Variants in SUGCT observed in about 807,000 individuals in gnomAD.
SUGCT encodes succinyl-CoA:glutarate-CoA transferase.
Under a neutral mutation model 55.0 loss-of-function variants are expected in SUGCT, and 41 were observed. The ratio of observed to expected loss-of-function variants is 0.74; its 90% confidence interval spans 0.58 to 0.97. The LOEUF (loss-of-function observed/expected upper bound fraction) is 0.97. Among genes scored for constraint, SUGCT ranks in the 50% least tolerant of loss-of-function variants. SUGCT has a pLI of 0.00. For synonymous variants in SUGCT, 187 were observed against 200.4 expected (o/e 0.93, Z 0.56); for missense variants, 568 against 547.8 (o/e 1.04, Z -0.37).
intron 13 of SUGCT, among the ~76,000 whole-genome samples, chr7:40,807,976 A>G (rs1462023003): frequency 6.6e-6 from 1 of 152,120 alleles, no homozygotes; most frequent in Non-Finnish European, 1.5e-5. Flanking sequence ...GTCTACCCAG[A>G]TTGAGGGTGG....
chr7:40,377,328 C>T (rs1489588108), intron 9 of SUGCT, among the ~76,000 whole-genome samples: 5 of 149,270 alleles, frequency 3.3e-5, no homozygotes, highest in Admixed American at 6.8e-5. Context: ...CTGCAACCTC[C>T]GCCTCCCGGA....
At chr7:40,212,067 C>T (rs1420812398) in intron 6 of SUGCT, among the ~76,000 whole-genome samples, 1 of 151,866 alleles carries the variant, frequency 6.6e-6, no homozygotes, top group Non-Finnish European at 1.5e-5. Flanking sequence ...CAGACTTTTT[C>T]TGTAAAGTGC....
intron 12 of SUGCT, among the ~76,000 whole-genome samples, chr7:40,715,197 T>C (rs1785957282): frequency 6.6e-6 from 1 of 152,248 alleles, no homozygotes; most frequent in Non-Finnish European, 1.5e-5. Context: ...AGGGCATTCT[T>C]GAACGATCTA....
At chr7:40,632,715 CACAAGTAGTTG>C (rs1799840872) in intron 12 of SUGCT, among the ~76,000 whole-genome samples, 1 of 151,918 alleles carries the variant, frequency 6.6e-6, no homozygotes, top group Non-Finnish European at 1.5e-5. Context: ...ATGTCAGTCA[CACAAGTAGTTG>C]AAAATATGAT....
intron 12 of SUGCT, among the ~76,000 whole-genome samples, chr7:40,508,264 C>G (rs1792718754): frequency 6.6e-6 from 1 of 152,156 alleles, no homozygotes; most frequent in Non-Finnish European, 1.5e-5. Context: ...TAAGCTGTAA[C>G]AGGGGCAACA....
chr7:40,984,404 T>C, the SUGCT span, among the ~76,000 whole-genome samples: 1 of 151,538 alleles, frequency 6.6e-6, no homozygotes, highest in Non-Finnish European at 1.5e-5. Context: ...CAAAAAAAAA[T>C]GAGCCTCAAA....
chr7:40,838,834 AAGTATAT>A (rs1373823856), intron 13 of SUGCT, among the ~76,000 whole-genome samples: 1 of 152,154 alleles, frequency 6.6e-6, no homozygotes, highest in African/African-American at 2.4e-5. Context: ...TCTAATCTTA[AAGTATAT>A]AGTCTTTTAT....
intron 7 of SUGCT, among the ~76,000 whole-genome samples, chr7:40,239,077 A>T (rs1490732553): frequency 6.6e-6 from 1 of 151,992 alleles, no homozygotes; most frequent in Non-Finnish European, 1.5e-5. Context: ...CAGTGCTAGG[A>T]TTACAGGCAT....
intron 8 of SUGCT, among the ~76,000 whole-genome samples, chr7:40,277,477 A>G (rs1792591984): frequency 6.6e-6 from 1 of 152,074 alleles, no homozygotes; most frequent in Non-Finnish European, 1.5e-5. Flanking sequence ...GGCGTGAGCC[A>G]CTGCACCCAG....
chr7:40,534,215 A>C (rs1370666406), intron 12 of SUGCT, among the ~76,000 whole-genome samples: 2 of 152,162 alleles, frequency 1.3e-5, no homozygotes, highest in Non-Finnish European at 2.9e-5. Context: ...CCTGTAACTT[A>C]CCACAGATTC....
intron 12 of SUGCT, among the ~76,000 whole-genome samples, chr7:40,680,851 G>A (rs967104429): frequency 5.3e-5 from 8 of 152,138 alleles, no homozygotes; most frequent in African/African-American, 1.2e-4. Flanking sequence ...CAGTAGGTGA[G>A]GCTCTAGGGG....
chr7:40,955,486 A>G, the SUGCT span, among the ~76,000 whole-genome samples: 1 of 152,190 alleles, frequency 6.6e-6, no homozygotes, highest in East Asian at 1.9e-4. Context: ...TTGATTTTGT[A>G]TCATGAGACT....
chr7:40,189,616 G>T, intron 5 of SUGCT, 22 bp downstream of exon 5: 1 of 1,354,982 alleles, frequency 7.4e-7, no homozygotes, highest in Non-Finnish European at 9.8e-7. Flanking sequence ...TGTATAGAAA[G>T]CATCCTACCA....
At chr7:40,164,929 A>C (rs986089736) in intron 1 of SUGCT, among the ~76,000 whole-genome samples, 2 of 152,216 alleles carry the variant, frequency 1.3e-5, no homozygotes, top group African/African-American at 4.8e-5. Flanking sequence ...AATGTCTTCC[A>C]GTGGATACTA....
At chr7:40,743,293 G>A (rs934491533) in intron 12 of SUGCT, among the ~76,000 whole-genome samples, 7 of 152,086 alleles carry the variant, frequency 4.6e-5, no homozygotes, top group African/African-American at 1.7e-4. Flanking sequence ...AGAACTCTAG[G>A]CATTCATTAA....
chr7:40,981,655 A>G, the SUGCT span, among the ~76,000 whole-genome samples: 2 of 152,172 alleles, frequency 1.3e-5, no homozygotes, highest in African/African-American at 2.4e-5. Context: ...CACTCCTTCA[A>G]TACTTGGATT....
chr7:40,225,638 G>A (rs1051144563), intron 6 of SUGCT, among the ~76,000 whole-genome samples: 1 of 151,964 alleles, frequency 6.6e-6, no homozygotes, highest in Non-Finnish European at 1.5e-5. Context: ...GTTTCACCAT[G>A]TTGGCCAGGC....
chr7:40,595,681 T>TA (rs1474231642), intron 12 of SUGCT, among the ~76,000 whole-genome samples: 1 of 151,998 alleles, frequency 6.6e-6, no homozygotes, highest in Non-Finnish European at 1.5e-5. Context: ...AGGAACTAGT[T>TA]ACAGTTATAA....
the SUGCT span, among the ~76,000 whole-genome samples, chr7:40,985,000 T>C: frequency 1.3e-5 from 2 of 152,192 alleles, no homozygotes; most frequent in Non-Finnish European, 2.9e-5. Flanking sequence ...CAAGGGAACA[T>C]TTTCAAAGAA....
Sources: gnomAD v4.1 joint callset for allele counts (sites outside exome capture counted in the v4.1 genomes callset) on GRCh38, gnomAD v4.1.1 for gene constraint, MANE v1.5 for transcripts, NCBI Gene and HGNC (gene_info 2026-07-23, HGNC 2026-07-21) for gene names.